Variants in ABCA8 observed in about 807,000 individuals in gnomAD.
ABCA8 encodes the protein ABC-type organic anion transporter ABCA8.
In ABCA8, 177 loss-of-function variants were observed where a neutral mutation model predicts 192.3. The observed-to-expected ratio is 0.92, with a 90% CI of 0.81 to 1.04. The LOEUF (loss-of-function observed/expected upper bound fraction) is 1.04. ABCA8 is among the 50% of genes least tolerant of loss of function. The pLI, the probability that ABCA8 is intolerant of heterozygous loss-of-function variation, is 0.00. For missense variants in ABCA8, 1,915 were observed against 1,904.8 expected (o/e 1.01, Z -0.10); for synonymous variants, 642 against 690.2 (o/e 0.93, Z 1.09).
intron 10 of ABCA8, among the ~76,000 whole-genome samples, chr17:68,926,021 G>T (rs1040785927): frequency 6.6e-6 from 1 of 151,978 alleles, no homozygotes; most frequent in African/African-American, 2.4e-5. Flanking sequence ...GGATGTGAAA[G>T]ATATTTTTGT....
chr17:68,894,821 A>G (rs1432830558), intron 22 of ABCA8, 59 bp downstream of exon 22: 2 of 1,524,378 alleles, frequency 1.3e-6, no homozygotes, highest in South Asian at 1.3e-5. Context: ...AAGCCTGAGT[A>G]TATTGATATT....
chr17:68,919,388 A>T lies in ABCA8; in HGVS notation c.1701T>A (p.Asn567Lys), dbSNP rs1271470764. 9 of 1,614,076 alleles carry T rather than the reference A, an allele frequency of 5.6e-6. No homozygotes were observed. The East Asian group carries it at 1.6e-4, about 28-fold the overall frequency. The stretch of plus-strand genomic sequence containing the variant: ...TTACAGTGAGGAAGTCAAATTGCAC[A>T]TTGGATTGTGGACAAACTCCGGTCA... The part of the protein sequence containing the change: ...SKLTGVCPQS[N>K]VQFDFLTVRE... The change falls in exon 14 of 40, where the codon AAT (asparagine) becomes AAA (lysine). Residue 567 changes from asparagine (N) to lysine (K), a missense_variant. Coordinates refer to ENST00000586539, the MANE Select transcript of ABCA8 (RefSeq NM_001288985.2).
intron 21 of ABCA8, among the ~76,000 whole-genome samples, chr17:68,902,295 C>T (rs955694286): frequency 7.9e-5 from 12 of 152,016 alleles, no homozygotes; most frequent in African/African-American, 2.4e-5. Flanking sequence ...GGGGGAGGGA[C>T]GACATGGGAG....
Position 68,922,230 on chromosome 17 carries a change from T to TAAAA in ABCA8, c.1501+11_1501+12insTTTT. Reference sequence around the variant, plus strand: ...TTTTTTTTTTTTTTTTTTTTTTTTTTTTTTTTTTTACCTTTCAAGGCTTCT... The same window carrying TAAAA: ...TTTTTTTTTTTTTTTTTTTTTTTTTTAAAATTTTTTTTTACCTTTCAAGGCTTCT... On this transcript the variant is annotated intron_variant, in intron 12 of 39. Transcript: ENST00000586539. 1.6e-6 allele frequency: 1 copy of TAAAA among 619,888 alleles called. No individual in the cohort carries two copies. The highest frequency in any genetic ancestry group is 2.2e-5 in the African/African-American group (1 of 44,986). The allele number at this position is 619,888 out of a possible 1,614,324, so 38.4% of individuals were successfully genotyped here.
chr17:68,875,115 C>T, intron 37 of ABCA8, 145 bp downstream of exon 37: 2 of 1,161,866 alleles, frequency 1.7e-6, no homozygotes, highest in East Asian at 2.5e-5. Flanking sequence ...CTTACGTCTG[C>T]TTTCTCTTCT....
rs2065949966 is a variant in ABCA8, at chr17:68,867,536, A to G, written c.*549T>C. 1 of 152,188 alleles carries G rather than the reference A, an allele frequency of 6.6e-6. No individual in the cohort carries two copies. The highest frequency in any genetic ancestry group is 2.1e-4 in the South Asian group (1 of 4,832). The allele number at this position is 152,188 out of a possible 1,614,324, so 9.4% of individuals were successfully genotyped here. A position where few individuals can be genotyped will look rare whatever the true frequency, so the allele number is the denominator to read the frequency against. ...TTTGTTTTCCATTTATGCCTACATC[A>G]TGGTGTTACCTGTGGATATGTTATC... On this transcript the variant is annotated 3_prime_UTR_variant, in exon 40 of 40. Coordinates refer to ENST00000586539, the MANE Select transcript of ABCA8 (RefSeq NM_001288985.2).
intron 13 of ABCA8, 24 bp from the exon 14 acceptor site, chr17:68,919,500 T>C (rs1247745443): frequency 1.3e-6 from 2 of 1,587,622 alleles, no homozygotes; most frequent in African/African-American, 2.7e-5. Flanking sequence ...AAAGTTAATA[T>C]CAAGATAAGG....
intron 2 of ABCA8, chr17:68,944,849 C>G (rs2068352486): frequency 6.6e-6 from 1 of 152,216 alleles, no homozygotes; most frequent in Non-Finnish European, 1.5e-5. Context: ...GAGACAGGCT[C>G]TCACCACGGC....
chr17:68,922,278 A>G lies in ABCA8; in HGVS notation c.1465T>C (p.Tyr489His). 4 of 1,071,780 alleles carry G rather than the reference A, an allele frequency of 3.7e-6. No homozygotes were observed. The highest frequency in any genetic ancestry group is 1.9e-5 in the South Asian group (1 of 53,968). The allele number at this position is 1,071,780 out of a possible 1,614,324, so 66.4% of individuals were successfully genotyped here. A position where few individuals can be genotyped will look rare whatever the true frequency, so the allele number is the denominator to read the frequency against. ...AIRIRNVTKE[Y>H]KGKPDKIEAL... Reference sequence around the variant, plus strand: ...TCTATTTTATCAGGCTTTCCTTTATATTCTTTTGTAACATTTCTGATTCTG... The same window carrying G: ...TCTATTTTATCAGGCTTTCCTTTATGTTCTTTTGTAACATTTCTGATTCTG... The change falls in exon 12 of 40, where the codon TAT becomes CAT. Residue 489 changes from tyrosine (Y) to histidine (H), a missense_variant. Transcript: ENST00000586539.
intron 12 of ABCA8, 32 bp downstream of exon 12, chr17:68,922,210 T>C (rs2067559368): frequency 3.5e-5 from 3 of 85,092 alleles, no homozygotes; most frequent in Non-Finnish European, 6.2e-5. Context: ...TTTTTTTTTT[T>C]TTTTTTTTTT....
intron 8 of ABCA8, 139 bp from the exon 9 acceptor site, chr17:68,929,373 C>T (rs1167053020): frequency 1.1e-5 from 11 of 1,036,722 alleles, no homozygotes; most frequent in Non-Finnish European, 1.5e-5. Flanking sequence ...ACATACAAAA[C>T]TATGCTCTGC....
At chr17:68,922,734 C>T (rs943142328) in intron 11 of ABCA8, among the ~76,000 whole-genome samples, 4 of 152,130 alleles carry the variant, frequency 2.6e-5, no homozygotes, top group African/African-American at 9.7e-5. Context: ...TCCCAAGGTT[C>T]ATTAAGAACT....
At chr17:68,937,302 C>T (rs1363531839) in intron 4 of ABCA8, among the ~76,000 whole-genome samples, 187 bp from the exon 5 acceptor site, 1 of 151,956 alleles carries the variant, frequency 6.6e-6, no homozygotes, top group African/African-American at 2.4e-5. Flanking sequence ...TAGATGCAAT[C>T]AGAAGAAATA....
In ABCA8 at chr17:68,929,618, G is replaced by T. The variant is rs1164866852; in HGVS notation, c.882C>A (p.Ile294=). 3 of 1,613,728 alleles carry T rather than the reference G, an allele frequency of 1.9e-6. No homozygotes were observed. The Admixed American group carries it at 5.0e-5, about 27-fold the overall frequency. The part of the protein sequence containing the change: ...LALVIRSTQF[I]ILSGFMVVFS... ...AGACTACCATGAAGCCAGACAAAATGATAAACTGGGTAGATCTTATAACAA... is the reference window on the plus strand; with the variant it reads ...AGACTACCATGAAGCCAGACAAAATTATAAACTGGGTAGATCTTATAACAA... The change falls in exon 8 of 40, where the codon ATC becomes ATA. Residue 294 remains isoleucine (I), a synonymous_variant. Transcript: ENST00000586539.
chr17:68,908,005 G>A, intron 17 of ABCA8, 126 bp from the exon 18 acceptor site: 1 of 900,206 alleles, frequency 1.1e-6, no homozygotes, highest in Non-Finnish European at 1.5e-6. Flanking sequence ...AAATAGGTCA[G>A]ACAAACACAA....
At chr17:68,875,807 T>G (rs190764588) in intron 35 of ABCA8, 74 bp from the exon 36 acceptor site, 1 of 1,502,908 alleles carries the variant, frequency 6.7e-7, no homozygotes. Context: ...AAAAGAATTT[T>G]TAACTGGCAT....
At chr17:68,929,929 A>G (rs1057430794) in intron 7 of ABCA8, among the ~76,000 whole-genome samples, 10 of 121,610 alleles carry the variant, frequency 8.2e-5, no homozygotes, top group African/African-American at 3.2e-4. Flanking sequence ...TTTTCCTAAA[A>G]TTGATTTCAG....
chr17:68,925,688 C>T (rs2067679097), intron 10 of ABCA8, among the ~76,000 whole-genome samples: 1 of 152,154 alleles, frequency 6.6e-6, no homozygotes, highest in Admixed American at 6.5e-5. Context: ...CTCTGTATAC[C>T]TGCCACATGG....
chr17:68,870,012 G>C (rs2066006728), intron 37 of ABCA8, among the ~76,000 whole-genome samples: 1 of 152,092 alleles, frequency 6.6e-6, no homozygotes, highest in African/African-American at 2.4e-5. Context: ...AAAATCAGAG[G>C]GTCTTGACTG....
Sources: allele counts gnomAD v4.1 joint callset (sites outside exome capture counted in the v4.1 genomes callset), GRCh38; gene constraint gnomAD v4.1.1; transcripts MANE v1.5; gene names NCBI Gene and HGNC (gene_info 2026-07-23, HGNC 2026-07-21).